SPATA18: variants seen among roughly 807,000 people sequenced by gnomAD.
SPATA18 encodes the protein mitochondria-eating protein.
Under a neutral mutation model 68.1 loss-of-function variants are expected in SPATA18, and 54 were observed. That is an observed-to-expected ratio of 0.79 (90% CI 0.64 to 0.99). SPATA18 has a LOEUF of 0.99. Ranked by LOEUF, SPATA18 falls within the 50% of genes least tolerant of loss-of-function variation. The pLI is 0.00. For missense variants in SPATA18, 724 were observed against 681.1 expected, an observed-to-expected ratio of 1.06 and a Z score of -0.70; for synonymous variants, 242 against 244.8, an observed-to-expected ratio of 0.99 and a Z score of 0.11.
At chr4:52,056,027 A>G (rs906528112) in intron 1 of SPATA18, among the ~76,000 whole-genome samples, 8 of 151,822 alleles carry the variant, frequency 5.3e-5, no homozygotes, top group African/African-American at 1.7e-4. Context: ...ATTCTTCTTC[A>G]TCTTGCTTCC....
intron 11 of SPATA18, among the ~76,000 whole-genome samples, chr4:52,091,002 T>A (rs1013956315): frequency 6.6e-6 from 1 of 152,006 alleles, no homozygotes; most frequent in Non-Finnish European, 1.5e-5. Context: ...TTATTCTTTT[T>A]TCTCTAATCT....
chr4:52,083,876 G>T (rs926747357), intron 10 of SPATA18, among the ~76,000 whole-genome samples: 2 of 151,886 alleles, frequency 1.3e-5, no homozygotes, highest in African/African-American at 4.8e-5. Context: ...AAGTAGCTGG[G>T]ATTACAGGTG....
intron 4 of SPATA18, among the ~76,000 whole-genome samples, chr4:52,065,232 CGCTGAGCA>C (rs1353401812): frequency 2.0e-5 from 3 of 151,922 alleles, no homozygotes; most frequent in African/African-American, 7.2e-5. Flanking sequence ...CTGTTTACTC[CGCTGAGCA>C]GAAGTTTATT....
chr4:52,087,825 A>T (rs573361518), intron 11 of SPATA18, among the ~76,000 whole-genome samples: 17 of 152,276 alleles, frequency 1.1e-4, no homozygotes, highest in African/African-American at 4.1e-4. Flanking sequence ...TGGTAGCTTG[A>T]TGGAGATAGC....
intron 3 of SPATA18, 150 bp downstream of exon 3, chr4:52,061,047 T>A (rs1245742033): frequency 1.5e-6 from 1 of 669,166 alleles, no homozygotes; most frequent in African/African-American, 1.8e-5. Flanking sequence ...GGGACGGTGT[T>A]AGTTTTTGAA....
At position 52,094,535 on chromosome 4, in the gene SPATA18, A is replaced by C. The variant is rs1361086446; in HGVS notation, c.1572A>C (p.Arg524=). 8 of 1,613,428 alleles carry C rather than the reference A, an allele frequency of 5.0e-6. No individual in the cohort carries two copies. In the South Asian group the frequency reaches 6.6e-5, roughly 13 times the overall value. Residue 524 remains arginine (R), a synonymous_variant, in exon 12 of 13, where the codon CGA becomes CGC. Coordinates refer to ENST00000295213, the MANE Select transcript of SPATA18 (RefSeq NM_145263.4). ...TCTTTTATATTTTCCAGATGTCTCG[A>C]AGTCGGAGTCCTTCTCCAATAAGAT... is the stretch of plus-strand genomic sequence containing the variant. ...RSQIGLNTMS[R]SRSPSPIRCG...
At chr4:52,061,386 C>T (rs1242403132) in intron 3 of SPATA18, among the ~76,000 whole-genome samples, 2 of 151,750 alleles carry the variant, frequency 1.3e-5, no homozygotes, top group African/African-American at 4.8e-5. Flanking sequence ...GGGCTTAAAA[C>T]CTAGGTGACA....
chr4:52,097,222 A>G lies in SPATA18; in HGVS notation c.*2335A>G. On this transcript the variant is annotated 3_prime_UTR_variant, in exon 13 of 13. Transcript: ENST00000295213. The stretch of plus-strand genomic sequence containing the variant: ...TTAGTTTCTAGATTTTCGGCTTAAC[A>G]TCTAATAATAACATTTAAAAAGTGC... 1 of 152,208 alleles carries G rather than the reference A, an allele frequency of 6.6e-6. No homozygotes were observed. The highest frequency in any genetic ancestry group is 1.9e-4 in the East Asian group (1 of 5,202). 9.4% of individuals were successfully genotyped at this position (152,208 alleles called of 1,614,324 possible).
At chr4:52,075,645 AT>A (rs1385085237) in intron 6 of SPATA18, among the ~76,000 whole-genome samples, 2 of 152,158 alleles carry the variant, frequency 1.3e-5, no homozygotes, top group Non-Finnish European at 2.9e-5. Flanking sequence ...ATTTCTTGTA[AT>A]TTAGAAAAAT....
chr4:52,059,936 G>C (rs1738679938), intron 1 of SPATA18, among the ~76,000 whole-genome samples: 1 of 152,098 alleles, frequency 6.6e-6, no homozygotes, highest in Admixed American at 6.5e-5. Context: ...TTACTGAGTA[G>C]GATTATTGCT....
At chr4:52,061,968 C>A (rs1366951707) in intron 3 of SPATA18, among the ~76,000 whole-genome samples, 1 of 152,102 alleles carries the variant, frequency 6.6e-6, no homozygotes, top group East Asian at 1.9e-4. Flanking sequence ...AATGCATATA[C>A]CTGTGTAAAT....
At chr4:52,051,903 G>A (rs1156430633) in intron 1 of SPATA18, 112 bp downstream of exon 1, 2 of 964,350 alleles carry the variant, frequency 2.1e-6, no homozygotes, top group South Asian at 1.3e-5. Flanking sequence ...AGCCTCCGCG[G>A]TTGCGATTCC....
chr4:52,051,944 G>T (rs1223236955), intron 1 of SPATA18, among the ~76,000 whole-genome samples, 153 bp downstream of exon 1: 1 of 152,180 alleles, frequency 6.6e-6, no homozygotes, highest in African/African-American at 2.4e-5. Flanking sequence ...GACCGGGATC[G>T]CTGGGGAAGG....
intron 4 of SPATA18, among the ~76,000 whole-genome samples, chr4:52,069,249 C>A (rs1023044053): frequency 1.3e-5 from 2 of 152,108 alleles, no homozygotes; most frequent in Non-Finnish European, 2.9e-5. Context: ...TTGAAGCTAA[C>A]TATGACAGAG....
rs748102742 is a variant in SPATA18, at chr4:52,060,538, G to A, written c.193+14G>A. 4 of 1,607,340 alleles carry A rather than the reference G, an allele frequency of 2.5e-6. No homozygotes were observed. Among genetic ancestry groups the A allele is most frequent in the East Asian group, 2.2e-5 (1 of 44,842 alleles). On this transcript the variant is annotated intron_variant, in intron 2 of 12. Transcript: ENST00000295213. ...CAGCCCAAGAAGGTGAGAATGGCCT[G>A]TAATTTCCCATCCAGTTCTGCTTGC...
At chr4:52,089,389 T>G (rs1441608593) in intron 11 of SPATA18, among the ~76,000 whole-genome samples, 1 of 152,242 alleles carries the variant, frequency 6.6e-6, no homozygotes, top group Non-Finnish European at 1.5e-5. Context: ...GGTGTCAATT[T>G]TAGATCTTTC....
chr4:52,063,724 C>T (rs1346975125), intron 4 of SPATA18, among the ~76,000 whole-genome samples: 1 of 152,124 alleles, frequency 6.6e-6, no homozygotes, highest in Non-Finnish European at 1.5e-5. Flanking sequence ...TGTATACTCT[C>T]CTGGTGACGG....
chr4:52,063,081 C>T (rs1423680940), intron 4 of SPATA18, among the ~76,000 whole-genome samples: 3 of 152,088 alleles, frequency 2.0e-5, no homozygotes, highest in Non-Finnish European at 4.4e-5. Flanking sequence ...AACAAAAATC[C>T]ATCAATGGGA....
chr4:52,060,341 A>G (rs917422167), intron 1 of SPATA18, 78 bp from the exon 2 acceptor site: 2 of 1,186,664 alleles, frequency 1.7e-6, no homozygotes, highest in African/African-American at 1.5e-5. Flanking sequence ...CTCGTGGGTC[A>G]AGTGAGGCCC....
Sources: allele counts gnomAD v4.1 joint callset (sites outside exome capture counted in the v4.1 genomes callset), GRCh38; gene constraint gnomAD v4.1.1; transcripts MANE v1.5; gene names NCBI Gene and HGNC (gene_info 2026-07-23, HGNC 2026-07-21).